IFT70A: variants seen among roughly 807,000 people sequenced by gnomAD.
The protein encoded by IFT70A is intraflagellar transport protein 70A.
chr2:177,616,762 GTGAC>G, the IFT70A span: 1 of 1,575,286 alleles, frequency 6.3e-7, no homozygotes, highest in Non-Finnish European at 8.6e-7. Flanking sequence ...GGACTCATCT[GTGAC>G]TGTATTCTTC....
chr2:177,617,523 G>C, the IFT70A span: 1 of 1,614,226 alleles, frequency 6.2e-7, no homozygotes, highest in Non-Finnish European at 8.5e-7. Flanking sequence ...CTTGCTTGGT[G>C]AGTCTCCGAA....
chr2:177,617,005 C>T, the IFT70A span: 26 of 1,613,354 alleles, frequency 1.6e-5, no homozygotes, highest in Admixed American at 1.5e-4. Context: ...TTTGATAACT[C>T]GAGAAATACC....
the IFT70A span, chr2:177,617,040 A>G: frequency 1.2e-6 from 2 of 1,613,596 alleles, no homozygotes; most frequent in Non-Finnish European, 1.7e-6. Context: ...CTTTGGCACA[A>G]TAAAGAGTTC....
the IFT70A span, chr2:177,613,081 T>C: frequency 6.6e-6 from 1 of 152,362 alleles, no homozygotes; most frequent in Non-Finnish European, 1.5e-5. Context: ...CTTATATACA[T>C]TGTCAGAAAA....
At chr2:177,614,086 T>C in the IFT70A span, 1 of 152,164 alleles carries the variant, frequency 6.6e-6, no homozygotes, top group Non-Finnish European at 1.5e-5. Context: ...TGGATCAATC[T>C]TGGCCCAAAT....
chr2:177,617,616 T>C, the IFT70A span: 45 of 1,614,140 alleles, frequency 2.8e-5, no homozygotes, highest in South Asian at 2.6e-4. Context: ...TCAGGGCATC[T>C]AAGAAGTCAT....
At chr2:177,617,734 A>G in the IFT70A span, 1 of 1,614,196 alleles carries the variant, frequency 6.2e-7, no homozygotes, top group East Asian at 2.2e-5. Context: ...CAGGTTGCCA[A>G]AAGTCTCTGG....
chr2:177,614,819 A>C, the IFT70A span: 7 of 152,202 alleles, frequency 4.6e-5, no homozygotes, highest in Non-Finnish European at 8.8e-5. Context: ...AAACACCACT[A>C]TCTCTCAAGT....
the IFT70A span, chr2:177,616,789 C>T: frequency 6.3e-7 from 1 of 1,593,624 alleles, no homozygotes; most frequent in Non-Finnish European, 8.5e-7. Context: ...AACATGCATT[C>T]TTTCTTCTTC....
chr2:177,618,086 A>G, the IFT70A span: 1 of 1,614,196 alleles, frequency 6.2e-7, no homozygotes, highest in Non-Finnish European at 8.5e-7. Flanking sequence ...TTCAGTGCTG[A>G]GGCATACTGT....
the IFT70A span, chr2:177,618,361 C>T: frequency 1.9e-6 from 3 of 1,613,418 alleles, no homozygotes; most frequent in African/African-American, 2.7e-5. Flanking sequence ...GCGGAGGACC[C>T]GGCTGTGGTA....
the IFT70A span, chr2:177,616,376 T>C: frequency 3.6e-5 from 7 of 195,642 alleles, no homozygotes; most frequent in African/African-American, 4.7e-5. Flanking sequence ...CTTTGGTCCA[T>C]GACATACCCT....
chr2:177,618,225 G>C, the IFT70A span: 1 of 1,614,238 alleles, frequency 6.2e-7, no homozygotes, highest in South Asian at 1.1e-5. Context: ...AACAACCCAG[G>C]TTGACCTGGC....
At chr2:177,618,268 C>T in the IFT70A span, 1 of 1,614,246 alleles carries the variant, frequency 6.2e-7, no homozygotes, top group Non-Finnish European at 8.5e-7. Flanking sequence ...ACTTTCTTCT[C>T]CCCCTTCCCC....
chr2:177,616,663 C>G, the IFT70A span: 1 of 1,458,952 alleles, frequency 6.9e-7, no homozygotes, highest in Admixed American at 2.6e-5. Context: ...AAGTGTGGTA[C>G]GTAAGAAAGC....
chr2:177,615,882 A>C, the IFT70A span: 1 of 152,118 alleles, frequency 6.6e-6, no homozygotes. Flanking sequence ...TTCCTAAAAA[A>C]TTAAAAAGTA....
chr2:177,616,914 G>A, the IFT70A span: 119 of 1,597,180 alleles, frequency 7.5e-5, no homozygotes, highest in African/African-American at 1.5e-3. Context: ...GTTTTGACAT[G>A]TTTTCTAACA....
chr2:177,616,711 T>C, the IFT70A span: 33 of 1,521,156 alleles, frequency 2.2e-5, no homozygotes, highest in Non-Finnish European at 2.9e-5. Context: ...TAACTACTTA[T>C]TCCATCCTAT....
the IFT70A span, chr2:177,617,590 G>A: frequency 2.5e-6 from 4 of 1,614,214 alleles, no homozygotes; most frequent in Non-Finnish European, 3.4e-6. Flanking sequence ...CTCTTCAGGA[G>A]CTGTCTGGCA....
Sources: gnomAD v4.1 joint callset for allele counts on GRCh38, gnomAD v4.1.1 for gene constraint, MANE v1.5 for transcripts, NCBI Gene and HGNC (gene_info 2026-07-23, HGNC 2026-07-21) for gene names.